Variants in CCT6B observed in about 807,000 individuals in gnomAD.
CCT6B encodes the protein probable T-complex protein 1 subunit zeta-2.
A neutral mutation model predicts 61.5 loss-of-function variants in CCT6B; 49 were observed. The observed-to-expected ratio is 0.80, with a 90% CI of 0.63 to 1.01. The LOEUF is 1.01. CCT6B is among the 50% of genes least tolerant of loss of function. The pLI, the probability that CCT6B is intolerant of heterozygous loss-of-function variation, is 0.00. For missense variants in CCT6B, 666 were observed against 634.7 expected (o/e 1.05, Z -0.53); for synonymous variants, 228 against 214.5 (o/e 1.06, Z -0.55).
rs368580642 is a variant in CCT6B, at chr17:34,931,071, A to G, written c.1348-20T>C. 1.6e-5 allele frequency: 14 copies of G among 898,006 alleles called. No individual in the cohort carries two copies. Among genetic ancestry groups the G allele is most frequent in the Non-Finnish European group, 2.3e-5 (14 of 614,114 alleles). The allele number at this position is 898,006 out of a possible 1,614,324, so 55.6% of individuals were successfully genotyped here. On this transcript the variant is annotated intron_variant, in intron 11 of 13. Coordinates refer to ENST00000314144, the MANE Select transcript of CCT6B (RefSeq NM_006584.4). ...AAGAACCTTTAGGAATAAAAATAAT[A>G]ATATATATTATATATATATGCATAA... is the stretch of plus-strand genomic sequence containing the variant.
rs1283091729 is a variant in CCT6B at position 34,928,967 on chromosome 17, G to A, written c.1518C>T (p.His506=). ...DNYCVKKQLL[H]SCTVIATNIL... ...TTATGTTCATATGAACTTACCAAGAGTGAAGAAGTTGTTTTTTTACACAAT... is the reference window on the plus strand; with the variant it reads ...TTATGTTCATATGAACTTACCAAGAATGAAGAAGTTGTTTTTTTACACAAT... Residue 506 remains histidine, a synonymous_variant, in exon 13 of 14, where the codon CAC becomes CAT. Transcript: ENST00000314144. 1.3e-6 allele frequency: 2 copies of A among 1,567,092 alleles called. No individual in the cohort carries two copies. Among genetic ancestry groups the A allele is most frequent in the East Asian group, 4.5e-5 (2 of 44,564 alleles).
chr17:34,944,981 C>T (rs931146607), intron 5 of CCT6B, among the ~76,000 whole-genome samples: 1 of 152,306 alleles, frequency 6.6e-6, no homozygotes, highest in South Asian at 2.1e-4. Context: ...TCTCAGTTCA[C>T]GGCAATGTAC....
intron 3 of CCT6B, 69 bp from the exon 4 acceptor site, chr17:34,954,668 G>C: frequency 7.9e-7 from 1 of 1,270,228 alleles, no homozygotes; most frequent in Non-Finnish European, 1.1e-6. Context: ...CAACCTGTCT[G>C]ATTATTATGT....
chr17:34,930,964 C>G lies in CCT6B; in HGVS notation c.1435G>C (p.Val479Leu), dbSNP rs779683070. The change falls in exon 12 of 14, where the codon GTA (valine) becomes CTA (leucine). Residue 479 changes from valine (V) to leucine (L), a missense_variant. Physicochemically the swap from Val to Leu is conservative, Grantham distance 32 (BLOSUM62 1). Coordinates refer to ENST00000314144, the MANE Select transcript of CCT6B (RefSeq NM_006584.4). ...EHVESKQLVG[V>L]DLNTGEPMVA... The stretch of plus-strand genomic sequence containing the variant: ...ACTTTCTTACCTGTATTCAAATCTA[C>G]GCCCACAAGTTGTTTTGACTCGACA... The G allele has an allele frequency of 6.3e-7, 1 of 1,591,774 alleles. No homozygotes were observed. Among genetic ancestry groups the G allele is most frequent in the East Asian group, 2.2e-5 (1 of 44,564 alleles).
intron 2 of CCT6B, 143 bp from the exon 3 acceptor site, chr17:34,958,837 A>G (rs2090378102): frequency 3.7e-6 from 2 of 539,896 alleles, no homozygotes; most frequent in Non-Finnish European, 5.9e-6. Flanking sequence ...TTGTATTATC[A>G]ATACCTAAAT....
At chr17:34,952,471 T>A (rs535848653) in intron 4 of CCT6B, among the ~76,000 whole-genome samples, 2 of 152,288 alleles carry the variant, frequency 1.3e-5, no homozygotes, top group East Asian at 3.9e-4. Flanking sequence ...AAAGGTAATC[T>A]AAGGTAATAG....
chr17:34,946,380 A>C (rs2090224042), intron 5 of CCT6B, among the ~76,000 whole-genome samples: 1 of 152,230 alleles, frequency 6.6e-6, no homozygotes, highest in African/African-American at 2.4e-5. Flanking sequence ...TATTATAATT[A>C]TCAAACATGA....
chr17:34,952,601 T>C (rs767041925), intron 4 of CCT6B, among the ~76,000 whole-genome samples: 14 of 152,190 alleles, frequency 9.2e-5, no homozygotes, highest in Non-Finnish European at 1.8e-4. Context: ...TCCCCCAAAA[T>C]TGTAAAGTAA....
intron 1 of CCT6B, among the ~76,000 whole-genome samples, 171 bp downstream of exon 1, chr17:34,961,086 C>T (rs1167379676): frequency 6.6e-6 from 1 of 152,196 alleles, no homozygotes; most frequent in Non-Finnish European, 1.5e-5. Flanking sequence ...CTAGGGGAGG[C>T]TTTTCTCCTC....
chr17:34,952,783 T>A (rs985592547), intron 4 of CCT6B, among the ~76,000 whole-genome samples: 1 of 152,146 alleles, frequency 6.6e-6, no homozygotes, highest in Non-Finnish European at 1.5e-5. Context: ...AAAATATACA[T>A]AAAGCAGAAA....
At chr17:34,943,107 C>T (rs1054038204) in intron 5 of CCT6B, 9 of 452,444 alleles carry the variant, frequency 2.0e-5, no homozygotes, top group African/African-American at 1.4e-4. Context: ...GCCACGAACT[C>T]CTGGGCTCAA....
chr17:34,942,612 C>A lies in CCT6B; in HGVS notation c.757G>T (p.Ala253Ser). 2 of 1,601,568 alleles carry A rather than the reference C, an allele frequency of 1.2e-6. No homozygotes were observed. The highest frequency in any genetic ancestry group is 1.7e-6 in the Non-Finnish European group (2 of 1,175,936). Residue 253 changes from alanine to serine, a missense_variant, in exon 7 of 14, where the codon GCA (alanine) becomes TCA (serine). Transcript: ENST00000314144. ...TTTACCAATTTCTCTTTCTCTTCTGCAGTCTTATAAAAGAAACCAGAGTTC... is the reference window on the plus strand; with the variant it reads ...TTTACCAATTTCTCTTTCTCTTCTGAAGTCTTATAAAAGAAACCAGAGTTC... ...EVNSGFFYKT[A>S]EEKEKLVKAE... is the part of the protein sequence containing the mutation.
intron 2 of CCT6B, among the ~76,000 whole-genome samples, chr17:34,959,334 T>C (rs1450977709): frequency 1.3e-5 from 2 of 150,304 alleles, no homozygotes; most frequent in Non-Finnish European, 3.0e-5. Context: ...TTTCACCATG[T>C]TGCCCAGCCT....
At chr17:34,961,213 A>G in intron 1 of CCT6B, 44 bp downstream of exon 1, 1 of 1,564,044 alleles carries the variant, frequency 6.4e-7, no homozygotes, top group Non-Finnish European at 8.7e-7. Context: ...CAGGACACCA[A>G]CGGGCCCCTA....
intron 5 of CCT6B, chr17:34,943,946 T>G (rs1222849189): frequency 6.6e-6 from 1 of 152,026 alleles, no homozygotes; most frequent in Non-Finnish European, 1.5e-5. Flanking sequence ...TTTTATAACT[T>G]TATAAAATTC....
At chr17:34,936,198 G>A (rs1289335212) in intron 10 of CCT6B, among the ~76,000 whole-genome samples, 2 of 152,124 alleles carry the variant, frequency 1.3e-5, no homozygotes, top group East Asian at 1.9e-4. Context: ...ACCCATGCAC[G>A]TCAGCCTCCC....
chr17:34,959,659 A>C lies in CCT6B; in HGVS notation c.138-9T>G. ...CTGCACCAGAAACAAGCCTGTTCAG[A>C]GAAGAATGATATTAACTTCATGTGG... On this transcript the variant is annotated splice_polypyrimidine_tract_variant and intron_variant, in intron 1 of 13. Coordinates refer to ENST00000314144, the MANE Select transcript of CCT6B (RefSeq NM_006584.4). The C allele has an allele frequency of 6.3e-7, 1 of 1,598,404 alleles. No individual in the cohort carries two copies. The highest frequency in any genetic ancestry group is 2.2e-5 in the East Asian group (1 of 44,754).
At chr17:34,933,534 C>T (rs1347736221) in intron 10 of CCT6B, among the ~76,000 whole-genome samples, 4 of 152,168 alleles carry the variant, frequency 2.6e-5, no homozygotes, top group Non-Finnish European at 4.4e-5. Context: ...TCATTACCTC[C>T]CATTCACATT....
At chr17:34,953,450 C>T (rs1303582895) in intron 4 of CCT6B, among the ~76,000 whole-genome samples, 2 of 151,562 alleles carry the variant, frequency 1.3e-5, no homozygotes, top group Non-Finnish European at 2.9e-5. Flanking sequence ...CTGCCTTAGC[C>T]TCCCAAGTAG....
Sources: allele counts gnomAD v4.1 joint callset (sites outside exome capture counted in the v4.1 genomes callset), GRCh38; gene constraint gnomAD v4.1.1; transcripts MANE v1.5; gene names NCBI Gene and HGNC (gene_info 2026-07-23, HGNC 2026-07-21).